The following DOCK6 variants were observed in gnomAD, a reference collection of about 807,000 sequenced individuals.
The protein encoded by DOCK6 is dedicator of cytokinesis 6.
DOCK6 carries 167 observed loss-of-function variants against 230.3 expected under a neutral mutation model. The ratio of observed to expected loss-of-function variants is 0.73; its 90% CI spans 0.64 to 0.82. DOCK6 has a LOEUF of 0.82. Among genes scored for constraint, DOCK6 ranks in the 40% least tolerant of loss-of-function variants. The probability of loss-of-function intolerance (pLI) is 0.00; values close to 1 mark genes in which losing one functional copy is unlikely to be tolerated. For synonymous variants in DOCK6, 1,148 were observed against 1,185.0 expected, an observed-to-expected ratio of 0.97 and a Z score of 0.64; for missense variants, 2,598 against 2,825.8, an observed-to-expected ratio of 0.92 and a Z score of 1.83.
intron 14 of DOCK6, chr19:11,241,600 C>A: frequency 1.3e-6 from 2 of 1,556,930 alleles, no homozygotes; most frequent in Non-Finnish European, 1.7e-6. Flanking sequence ...GGATGGGGGG[C>A]GCACAGGGCA....
chr19:11,208,979 G>T lies in DOCK6; in HGVS notation c.4876C>A (p.Leu1626Ile), dbSNP rs770394031. 1 of 1,607,062 alleles carries T rather than the reference G, an allele frequency of 6.2e-7. No individual in the cohort carries two copies. The highest frequency in any genetic ancestry group is 8.5e-7 in the Non-Finnish European group (1 of 1,175,808). ...AAQCMVHAAA[L>I]VAEYLALLED... The stretch of plus-strand genomic sequence containing the variant: ...AGCAGGGCGAGGTACTCAGCCACGA[G>T]GGCGGCCGCGTGCACCATGCACTGG... The change falls in exon 38 of 48, where the codon CTC (leucine) becomes ATC (isoleucine). Residue 1626 changes from leucine (L) to isoleucine (I), a missense_variant. Coordinates refer to ENST00000294618, the MANE Select transcript of DOCK6 (RefSeq NM_020812.4).
In DOCK6 at chr19:11,222,760, G is replaced by C. The variant is rs756078739; in HGVS notation, c.3215C>G (p.Pro1072Arg). 1.9e-6 allele frequency: 3 copies of C among 1,578,940 alleles called. No individual in the cohort carries two copies. Among genetic ancestry groups the C allele is most frequent in the Non-Finnish European group, 2.6e-6 (3 of 1,162,558 alleles). Residue 1072 changes from proline (P) to arginine (R), a missense_variant, in exon 26 of 48, where the codon CCC becomes CGC. Pro to Arg is a moderately radical substitution (Grantham distance 103). Transcript: ENST00000294618. This position sits in a 1 kb window ranked among gnomAD's most constrained non-coding sequence, Gnocchi z 4.0. ...CTGGGAGGTGGTGGAGGACACAGAG[G>C]GGGAGGGCGAGGCTGGAGGTGACAG... ...CPLSPPASPS[P>R]SVSSTTSQSS...
At chr19:11,224,071 G>A (rs1164973572) in intron 24 of DOCK6, among the ~76,000 whole-genome samples, 3 of 152,098 alleles carry the variant, frequency 2.0e-5, no homozygotes, top group Non-Finnish European at 4.4e-5. Flanking sequence ...GGCGGGGGCA[G>A]GGAGACACAA....
chr19:11,222,459 A>T lies in DOCK6; in HGVS notation c.3241-211T>A. The T allele has an allele frequency of 1.3e-6, 1 of 758,426 alleles. No homozygotes were observed. The highest frequency in any genetic ancestry group is 2.1e-6 in the Non-Finnish European group (1 of 482,502). The allele number at this position is 758,426 out of a possible 1,614,324, so 47.0% of individuals were successfully genotyped here. On this transcript the variant is annotated intron_variant, in intron 26 of 47. Transcript: ENST00000294618. This position sits in a 1 kb window ranked among gnomAD's most constrained non-coding sequence, Gnocchi z 4.0. ...TAACCCATCTGTGATGTAACAGGGC[A>T]CGGAGTCAAAAGTCAGAGGACTGAG...
At chr19:11,228,901 G>C (rs1347388365) in intron 23 of DOCK6, 39 bp downstream of exon 23, 2 of 1,601,170 alleles carry the variant, frequency 1.2e-6, no homozygotes, top group Admixed American at 3.3e-5. Context: ...GGCTCCACTG[G>C]GGGTCTCTTG....
intron 1 of DOCK6, among the ~76,000 whole-genome samples, chr19:11,256,266 G>T (rs2080196326): frequency 6.6e-6 from 1 of 152,204 alleles, no homozygotes; most frequent in African/African-American, 2.4e-5. Flanking sequence ...ATTTACAAAA[G>T]ATGCTGGGAC....
At chr19:11,208,664 C>A (rs745623737) in intron 39 of DOCK6, 22 bp downstream of exon 39, 1 of 1,602,138 alleles carries the variant, frequency 6.2e-7, no homozygotes, top group Non-Finnish European at 8.5e-7. Flanking sequence ...CCCTCTCCTG[C>A]ACCCAGTCCC....
chr19:11,243,778 CT>C lies in DOCK6; in HGVS notation c.1104+23del. The C allele has an allele frequency of 6.2e-7, 1 of 1,613,122 alleles. No homozygotes were observed. On this transcript the variant is annotated intron_variant, in intron 10 of 47. Transcript: ENST00000294618. This position sits in a 1 kb window ranked among gnomAD's most constrained non-coding sequence, Gnocchi z 6.3. ...CTGCTGAGTCAGGGATCTGTTGCCC[CT>C]AGTCCAGCCTCCACACGCTTACCTT...
chr19:11,217,519 G>A lies in DOCK6; in HGVS notation c.3551-128C>T. 6 of 1,236,002 alleles carry A rather than the reference G, an allele frequency of 4.9e-6. No individual in the cohort carries two copies. The South Asian group carries it at 5.6e-5, about 11-fold the overall frequency. The allele number at this position is 1,236,002 out of a possible 1,614,324, so 76.6% of individuals were successfully genotyped here. The stretch of plus-strand genomic sequence containing the variant: ...CGCCTGTAATACCAGCACTTTGGGA[G>A]GCAGAGGCGGGTGGATCACCTGAGG... On this transcript the variant is annotated intron_variant, in intron 28 of 47. Transcript: ENST00000294618.
chr19:11,254,402 C>G (rs1187417284), intron 1 of DOCK6, among the ~76,000 whole-genome samples: 1 of 152,184 alleles, frequency 6.6e-6, no homozygotes, highest in Non-Finnish European at 1.5e-5. Flanking sequence ...CCTTCAAAAT[C>G]AGGGAGGATG....
intron 39 of DOCK6, among the ~76,000 whole-genome samples, chr19:11,207,010 TTTTTAGTAGACATGG>T (rs902187321): frequency 1.2e-4 from 18 of 151,892 alleles, no homozygotes; most frequent in Middle Eastern, 3.4e-3. Context: ...AATTTTTGTA[TTTTTAGTAGACATGG>T]GGTTTCACCA....
chr19:11,236,112 T>G lies in DOCK6; in HGVS notation c.2392+234A>C. 1 of 566,466 alleles carries G rather than the reference T, an allele frequency of 1.8e-6. No homozygotes were observed. The highest frequency in any genetic ancestry group is 3.1e-6 in the Non-Finnish European group (1 of 325,220). 35.1% of individuals were successfully genotyped at this position (566,466 alleles called of 1,614,324 possible). ...TCAGGCTGGTCTCAAACTCTCGACC[T>G]CAGGTGATCTGCCCGCCTCGGCCTC... is the stretch of plus-strand genomic sequence containing the variant. On this transcript the variant is annotated intron_variant, in intron 20 of 47. Coordinates refer to ENST00000294618, the MANE Select transcript of DOCK6 (RefSeq NM_020812.4). The surrounding 1 kb of genome is among the most constrained non-coding windows in gnomAD (Gnocchi z 5.2).
intron 15 of DOCK6, 30 bp downstream of exon 15, chr19:11,238,157 A>AC: frequency 6.2e-7 from 1 of 1,612,566 alleles, no homozygotes; most frequent in Non-Finnish European, 8.5e-7. Context: ...GGGATGCCCT[A>AC]CCCCCCTTCC....
Position 11,241,599 on chromosome 19 carries a change from G to T in DOCK6, c.1643+446C>A, listed in dbSNP as rs1319208067. ...GGCAGGCAGGGCAGTTGGATGGGGG[G>T]CGCACAGGGCAGCTGGAAAGGGGCC... On this transcript the variant is annotated intron_variant, in intron 14 of 47. Coordinates refer to ENST00000294618, the MANE Select transcript of DOCK6 (RefSeq NM_020812.4). 4 of 1,556,998 alleles carry T rather than the reference G, an allele frequency of 2.6e-6. No homozygotes were observed. The South Asian group carries it at 3.6e-5, about 14-fold the overall frequency.
intron 7 of DOCK6, 97 bp downstream of exon 7, chr19:11,247,969 G>A (rs1298851061): frequency 1.0e-5 from 11 of 1,076,832 alleles, no homozygotes; most frequent in East Asian, 2.6e-5. Flanking sequence ...TGACAGGGCC[G>A]CACACGGTAA....
Position 11,243,961 on chromosome 19 carries a change from A to G in DOCK6, c.1024-79T>C, listed in dbSNP as rs1189959551. 3 of 1,476,800 alleles carry G rather than the reference A, an allele frequency of 2.0e-6. No individual in the cohort carries two copies. In the African/African-American group the frequency reaches 4.2e-5, roughly 21 times the overall value. The allele number at this position is 1,476,800 out of a possible 1,614,324, so 91.5% of individuals were successfully genotyped here. On this transcript the variant is annotated intron_variant, in intron 9 of 47. Transcript: ENST00000294618. This position sits in a 1 kb window ranked among gnomAD's most constrained non-coding sequence, Gnocchi z 6.3. ...CCGTGCTGGCTCCCCAGCCTCCTGG[A>G]CCCCTCATGGGCCCTCGGACACTCC...
chr19:11,241,472 C>T, intron 14 of DOCK6: 1 of 1,551,750 alleles, frequency 6.4e-7, no homozygotes, highest in Non-Finnish European at 8.7e-7. Flanking sequence ...GAGCCACATC[C>T]TATGGGCCCT....
In DOCK6 at chr19:11,202,863, G is replaced by A; in HGVS notation, c.5236-154C>T. Reference sequence around the variant, plus strand: ...GGCAGGGGGCCCTGAGAACATTGGGGCATGGATTGCAATAGGAAGTTAGGA... The same window carrying A: ...GGCAGGGGGCCCTGAGAACATTGGGACATGGATTGCAATAGGAAGTTAGGA... On this transcript the variant is annotated intron_variant, in intron 41 of 47. Transcript: ENST00000294618. This position sits in a 1 kb window ranked among gnomAD's most constrained non-coding sequence, Gnocchi z 5.3. The A allele has an allele frequency of 2.4e-6, 3 of 1,243,064 alleles. No homozygotes were observed. The highest frequency in any genetic ancestry group is 2.3e-6 in the Non-Finnish European group (2 of 874,462). The allele number at this position is 1,243,064 out of a possible 1,614,324, so 77.0% of individuals were successfully genotyped here.
rs748480570 is a variant in DOCK6, at chr19:11,238,350, G to T, written c.1644-46C>A. 2.4e-5 allele frequency: 37 copies of T among 1,529,216 alleles called. No homozygotes were observed. In the Admixed American group the frequency reaches 7.0e-4, roughly 29 times the overall value. The allele number at this position is 1,529,216 out of a possible 1,614,324, so 94.7% of individuals were successfully genotyped here. A position where few individuals can be genotyped will look rare whatever the true frequency, so the allele number is the denominator to read the frequency against. ...GTGTCAGAGGGACAGGGGCCCTGAAGGTGCACATACAAGGCTGGGGTGATG... is the reference window on the plus strand; with the variant it reads ...GTGTCAGAGGGACAGGGGCCCTGAATGTGCACATACAAGGCTGGGGTGATG... On this transcript the variant is annotated intron_variant, in intron 14 of 47. Coordinates refer to ENST00000294618, the MANE Select transcript of DOCK6 (RefSeq NM_020812.4).
Sources: gnomAD v4.1 joint callset for allele counts (sites outside exome capture counted in the v4.1 genomes callset) on GRCh38, gnomAD v4.1.1 for gene constraint, Gnocchi (gnomAD v3.1) non-coding constraint, MANE v1.5 for transcripts, NCBI Gene and HGNC (gene_info 2026-07-23, HGNC 2026-07-21) for gene names.